SLC30A8: variants seen among roughly 807,000 people sequenced by gnomAD.
SLC30A8 encodes the protein solute carrier family 30 member 8.
In SLC30A8, 27 loss-of-function variants were observed where a neutral mutation model predicts 36.9. That is an observed-to-expected ratio of 0.73 (90% confidence interval 0.54 to 1.01). The LOEUF is 1.01. Among genes scored for constraint, SLC30A8 ranks in the 50% least tolerant of loss-of-function variants. The probability of loss-of-function intolerance (pLI) is 0.00; values close to 1 mark genes in which losing one functional copy is unlikely to be tolerated. For missense variants in SLC30A8, 439 were observed against 452.0 expected (o/e 0.97, Z 0.26); for synonymous variants, 164 against 172.4 (o/e 0.95, Z 0.38).
At chr8:117,094,372 C>A (rs1819267096) in intron 2 of SLC30A8, among the ~76,000 whole-genome samples, 2 of 152,134 alleles carry the variant, frequency 1.3e-5, no homozygotes, top group African/African-American at 2.4e-5. Flanking sequence ...TCAGAGGAGA[C>A]CCGCAGTGGG....
intron 2 of SLC30A8, among the ~76,000 whole-genome samples, chr8:117,039,961 A>G (rs1817330685): frequency 6.6e-6 from 1 of 152,176 alleles, no homozygotes; most frequent in Admixed American, 6.5e-5. Context: ...AGGAGAGGAT[A>G]CTTCCTTTAG....
At chr8:117,030,979 A>G (rs1009703532) in intron 1 of SLC30A8, among the ~76,000 whole-genome samples, 1 of 152,176 alleles carries the variant, frequency 6.6e-6, no homozygotes, top group Non-Finnish European at 1.5e-5. Context: ...GATATCATAG[A>G]TGTTTTTCTT....
In SLC30A8 at chr8:117,078,646, C is replaced by T. The variant is rs183448785; in HGVS notation, c.-226+39388C>T. Among the ~76,000 whole-genome samples, 12 of 152,242 alleles carry T rather than the reference C, an allele frequency of 7.9e-5. No individual in the cohort carries two copies. The East Asian group carries it at 2.1e-3, about 27-fold the overall frequency. On this transcript the variant is annotated intron_variant, in intron 2 of 10. Transcript: ENST00000427715. ...ATTAGCTGATATATTTATATTATGTCACTTAGCACATCAAAAGGTTTAAGT... is the reference window on the plus strand; with the variant it reads ...ATTAGCTGATATATTTATATTATGTTACTTAGCACATCAAAAGGTTTAAGT...
rs748773265 is a variant in SLC30A8, at chr8:117,161,773, A to G, written c.608A>G (p.His203Arg). The part of the protein sequence containing the change: ...TVVLHQRCLG[H>R]NHKEVQANAS... ...GTTTTGCACCAGAGATGCCTTGGCC[A>G]CAATCACAAGGAAGTACAAGCCAAT... Residue 203 changes from histidine to arginine, a missense_variant, in exon 5 of 8, where the codon CAC becomes CGC. Coordinates refer to ENST00000456015, the MANE Select transcript of SLC30A8 (RefSeq NM_173851.3). 2 of 1,613,872 alleles carry G rather than the reference A, an allele frequency of 1.2e-6. No individual in the cohort carries two copies. The highest frequency in any genetic ancestry group is 4.5e-5 in the East Asian group (2 of 44,860).
chr8:117,171,237 C>T lies in SLC30A8; in HGVS notation c.964+69C>T. ...TCCTGTAAAGTCAGTAATTTCCCTT[C>T]TTTTTGTAGAGCTGCCCTTATTGTC... On this transcript the variant is annotated intron_variant, in intron 7 of 7. Transcript: ENST00000456015. 2.0e-6 allele frequency: 3 copies of T among 1,512,438 alleles called. No homozygotes were observed. The South Asian group carries it at 3.4e-5, about 17-fold the overall frequency. The allele number at this position is 1,512,438 out of a possible 1,614,324, so 93.7% of individuals were successfully genotyped here.
intron 1 of SLC30A8, among the ~76,000 whole-genome samples, chr8:116,978,420 C>CT (rs2130636337): frequency 6.6e-6 from 1 of 152,176 alleles, no homozygotes; most frequent in Admixed American, 6.5e-5. Flanking sequence ...CTATGATGCT[C>CT]TAACAGTTAT....
chr8:117,161,000 T>G (rs1250194381), intron 4 of SLC30A8, among the ~76,000 whole-genome samples: 2 of 152,238 alleles, frequency 1.3e-5, no homozygotes, highest in Non-Finnish European at 2.9e-5. Context: ...GTCTAATACC[T>G]CTTAAAGTTA....
intron 1 of SLC30A8, among the ~76,000 whole-genome samples, chr8:116,979,715 G>A (rs775970684): frequency 5.3e-5 from 8 of 152,116 alleles, no homozygotes; most frequent in South Asian, 2.1e-4. Context: ...CACTTGTCCC[G>A]GGAGAGGTGA....
intron 1 of SLC30A8, among the ~76,000 whole-genome samples, chr8:117,030,475 C>CT (rs1471297818): frequency 6.6e-6 from 1 of 152,044 alleles, no homozygotes; most frequent in Non-Finnish European, 1.5e-5. Flanking sequence ...CTTACCAGTT[C>CT]TTTTTTTGAG....
chr8:117,036,854 G>T (rs909125799), intron 1 of SLC30A8, among the ~76,000 whole-genome samples: 4 of 152,122 alleles, frequency 2.6e-5, no homozygotes, highest in Admixed American at 2.6e-4. Context: ...CAAGTTTATG[G>T]CAAGGCTGGA....
At chr8:117,056,507 A>G (rs1817875050) in intron 2 of SLC30A8, among the ~76,000 whole-genome samples, 1 of 151,298 alleles carries the variant, frequency 6.6e-6, no homozygotes, top group African/African-American at 2.5e-5. Context: ...AGGTCCCAGG[A>G]TAAGTACAAG....
intron 1 of SLC30A8, among the ~76,000 whole-genome samples, chr8:117,028,550 G>GTTTT (rs57593485): frequency 1.4e-5 from 2 of 144,220 alleles, no homozygotes; most frequent in Non-Finnish European, 1.5e-5. Context: ...TCTCACCACA[G>GTTTT]TTTTTTTTTT....
intron 1 of SLC30A8, among the ~76,000 whole-genome samples, chr8:116,969,538 A>T (rs1301761968): frequency 6.6e-6 from 1 of 152,188 alleles, no homozygotes; most frequent in Non-Finnish European, 1.5e-5. Context: ...AATGACAGGA[A>T]CACATTCTGA....
chr8:117,172,668 A>G lies in SLC30A8; in HGVS notation c.1097A>G (p.Asp366Gly). The change falls in exon 8 of 8, where the codon GAC becomes GGC. Residue 366 changes from aspartate (D) to glycine (G), a missense_variant. Physicochemically the swap from Asp to Gly is moderately conservative, Grantham distance 94 (BLOSUM62 -1). Coordinates refer to ENST00000456015, the MANE Select transcript of SLC30A8 (RefSeq NM_173851.3). ...DQDPDCLFCE[D>G]PCD ...GACCCCGACTGCCTTTTCTGTGAAG[A>G]CCCCTGTGACTAGCTCAGTCACACC... 1 of 1,613,218 alleles carries G rather than the reference A, an allele frequency of 6.2e-7. No homozygotes were observed. Among genetic ancestry groups the G allele is most frequent in the Non-Finnish European group, 8.5e-7 (1 of 1,179,562 alleles).
intron 1 of SLC30A8, among the ~76,000 whole-genome samples, chr8:117,144,692 A>G (rs1448141329): frequency 6.6e-6 from 1 of 152,194 alleles, no homozygotes; most frequent in East Asian, 1.9e-4. Flanking sequence ...AACAATATTG[A>G]TAGCTGAGAA....
intron 1 of SLC30A8, among the ~76,000 whole-genome samples, chr8:117,036,887 A>G (rs1298718152): frequency 1.3e-5 from 2 of 152,184 alleles, no homozygotes; most frequent in African/African-American, 2.4e-5. Flanking sequence ...TTGGGCTCCA[A>G]GGCCTTGATA....
chr8:117,164,282 T>C (rs1398402258), intron 6 of SLC30A8: 1 of 152,166 alleles, frequency 6.6e-6, no homozygotes, highest in Non-Finnish European at 1.5e-5. Context: ...AAATAAAATA[T>C]GGGCTGGGCA....
rs565492356 is a variant in SLC30A8 at position 117,165,095 on chromosome 8, T to G, written c.829+1565T>G. Among the ~76,000 whole-genome samples the G allele has an allele frequency of 1.2e-3, 184 of 152,270 alleles. 2 individuals carry two copies. In the South Asian group the frequency reaches 0.035, roughly 29 times the overall value. On this transcript the variant is annotated intron_variant, in intron 6 of 7. Transcript: ENST00000456015. Reference sequence around the variant, plus strand: ...AGCGCAAAGAGACACATCATATAGTTGAAAAAGCAAGATCTTTGTATCAGA... The same window carrying G: ...AGCGCAAAGAGACACATCATATAGTGGAAAAAGCAAGATCTTTGTATCAGA...
At chr8:117,155,954 C>G (rs1013050083) in intron 3 of SLC30A8, among the ~76,000 whole-genome samples, 2 of 152,184 alleles carry the variant, frequency 1.3e-5, no homozygotes, top group Non-Finnish European at 2.9e-5. Flanking sequence ...TGGGCCCATC[C>G]TACTCCAATG....
Sources: gnomAD v4.1 joint callset for allele counts (sites outside exome capture counted in the v4.1 genomes callset) on GRCh38, gnomAD v4.1.1 for gene constraint, MANE v1.5 for transcripts, NCBI Gene and HGNC (gene_info 2026-07-23, HGNC 2026-07-21) for gene names.